Variants in KIAA1210 observed in about 807,000 individuals in gnomAD.
The protein encoded by KIAA1210 is acrosomal protein KIAA1210.
In KIAA1210, 48 loss-of-function variants were observed where a neutral mutation model predicts 78.9. That is an observed-to-expected ratio of 0.61 (90% CI 0.48 to 0.77). KIAA1210 has a LOEUF of 0.77. Ranked by LOEUF, KIAA1210 falls within the 30% of genes least tolerant of loss-of-function variation. The pLI is 0.00. For missense variants in KIAA1210, 1,108 were observed against 1,100.0 expected (o/e 1.01, Z -0.10); for synonymous variants, 406 against 404.5 (o/e 1.00, Z -0.04).
chrX:119,147,414 T>C, intron 2 of KIAA1210: 1 of 1,191,071 alleles, frequency 8.4e-7, no homozygotes, highest in Non-Finnish European at 1.1e-6. Context: ...ACACATAATT[T>C]ACAATAGTAA....
upstream of KIAA1210, among the ~76,000 whole-genome samples, chrX:119,130,280 G>T (rs1333518522): frequency 8.9e-6 from 1 of 112,220 alleles, no homozygotes; most frequent in Non-Finnish European, 1.9e-5. Context: ...TGACCTCCCA[G>T]AATCACCATG....
In KIAA1210 at chrX:119,132,851, G is replaced by A. The variant is rs189639768; in HGVS notation, c.411-9199C>T. ...GGGTCTTGCTATGTTGCCCAGGCTGGTCTCAAACTACTGGGCTCAAGCAAC... is the reference window on the plus strand; with the variant it reads ...GGGTCTTGCTATGTTGCCCAGGCTGATCTCAAACTACTGGGCTCAAGCAAC... On this transcript the variant is annotated intron_variant, in intron 2 of 13. Transcript: ENST00000402510. 1.9e-3 allele frequency among the ~76,000 whole-genome samples: 214 copies of A among 111,497 alleles called. 3 individuals are homozygous for A. The highest frequency in any genetic ancestry group is 6.9e-3 in the African/African-American group (211 of 30,658).
rs371137944 is a variant in KIAA1210, at chrX:119,086,693, C to T, written c.4009G>A (p.Gly1337Ser). The T allele has an allele frequency of 8.4e-5, 102 of 1,209,732 alleles. No homozygotes were observed. The African/African-American group carries it at 1.5e-3, about 18-fold the overall frequency. The change falls in exon 9 of 12, where the codon GGC becomes AGC. Residue 1337 changes from glycine to serine, a missense_variant. Transcript: ENST00000691062. ...GTGCTTCTGATTTTATGTCCCCTGC[C>T]TACAGAGGATGAAATTGGGCCCGAG... The part of the protein sequence containing the change: ...VPSGPISSSV[G>S]RGHKIRSTSQ...
upstream of KIAA1210, among the ~76,000 whole-genome samples, chrX:119,129,399 A>T (rs1375541264): frequency 9.0e-6 from 1 of 111,507 alleles, no homozygotes. Context: ...AAAATAATGT[A>T]AAATATATCA....
chrX:119,085,366 G>C lies in KIAA1210; in HGVS notation c.4320+17C>G. The C allele has an allele frequency of 8.4e-7, 1 of 1,193,179 alleles. No individual in the cohort carries two copies. Among genetic ancestry groups the C allele is most frequent in the Non-Finnish European group, 1.1e-6 (1 of 887,022 alleles). ...GCAACCTTTTTGGAGTGTTTTATTG[G>C]CTACCCCAGGTCCTACCTCATATTT... On this transcript the variant is annotated intron_variant, in intron 10 of 11. Transcript: ENST00000691062.
chrX:119,125,295 A>G (rs1206226894), intron 1 of KIAA1210, among the ~76,000 whole-genome samples: 1 of 111,195 alleles, frequency 9.0e-6, no homozygotes, highest in African/African-American at 3.3e-5. Context: ...ATTTGGCAAT[A>G]CCTATCAAAA....
rs187347475 is a variant in KIAA1210 at position 119,103,870 on chromosome X, C to A, written c.648+1122G>T. On this transcript the variant is annotated intron_variant, in intron 6 of 11. Coordinates refer to ENST00000691062, the MANE Select transcript of KIAA1210 (RefSeq NM_001394962.1). ...ACAAAAGCCACATATTGTATGATTCCATTTACGTGAAATATCCAGAGTAGG... is the reference window on the plus strand; with the variant it reads ...ACAAAAGCCACATATTGTATGATTCAATTTACGTGAAATATCCAGAGTAGG... Among the ~76,000 whole-genome samples, 335 of 111,997 alleles carry A rather than the reference C, an allele frequency of 3.0e-3. 1 individual carries two copies. Among genetic ancestry groups the A allele is most frequent in the African/African-American group, 0.01 (316 of 30,862 alleles).
intron 6 of KIAA1210, among the ~76,000 whole-genome samples, chrX:119,104,251 C>G (rs1927821322): frequency 1.8e-5 from 2 of 112,088 alleles, no homozygotes; most frequent in Admixed American, 1.9e-4. Context: ...AATAAGCATC[C>G]ATCCACCTAC....
intron 1 of KIAA1210, among the ~76,000 whole-genome samples, chrX:119,125,169 A>G (rs1265223625): frequency 8.9e-6 from 1 of 111,788 alleles, no homozygotes; most frequent in Admixed American, 9.5e-5. Context: ...AAGTATTGTC[A>G]TCTATCAGAT....
At chrX:119,150,623 C>G (rs199581147), upstream of KIAA1210, 40 of 1,153,147 alleles carry the variant, frequency 3.5e-5, no homozygotes, top group Non-Finnish European at 3.1e-5. Flanking sequence ...CCCGACCTGC[C>G]GAGTCCCAGA....
At chrX:119,122,652 CATTT>C (rs2147190371) in intron 2 of KIAA1210, among the ~76,000 whole-genome samples, 1 of 112,446 alleles carries the variant, frequency 8.9e-6, no homozygotes, top group African/African-American at 3.2e-5. Flanking sequence ...GCCTTTCACT[CATTT>C]ATTCATTCAT....
chrX:119,091,467 G>A (rs969191968), intron 8 of KIAA1210, among the ~76,000 whole-genome samples: 2 of 112,268 alleles, frequency 1.8e-5, no homozygotes, highest in African/African-American at 3.2e-5. Context: ...CAAGGATATG[G>A]AATCAACCTA....
chrX:119,114,936 CA>C (rs1175599897), intron 3 of KIAA1210, among the ~76,000 whole-genome samples: 131 of 112,409 alleles, frequency 1.2e-3, no homozygotes, highest in African/African-American at 4.0e-3. Context: ...ATTATTACAA[CA>C]GCACTCATTA....
rs1471561981 is a variant in KIAA1210 at position 119,088,405 on chromosome X, A to G, written c.2297T>C (p.Val766Ala). ...VGTSIKQSDSVEPIPPRHPFQ... is the reference protein window; with the variant it reads ...VGTSIKQSDSAEPIPPRHPFQ... ...AGGGTGTCTTGGAGGGATTGGCTCC[A>G]CGGAATCGCTCTGTTTTATAGAAGT... Residue 766 changes from valine to alanine, a missense_variant, in exon 9 of 12, where the codon GTG becomes GCG. Val to Ala is a moderately conservative substitution (Grantham distance 64, BLOSUM62 0). This residue lies in a region of KIAA1210 where 672 missense variants were observed against 607.1 expected (regional missense o/e 1.11). Coordinates refer to ENST00000691062, the MANE Select transcript of KIAA1210 (RefSeq NM_001394962.1). The G allele has an allele frequency of 4.1e-6, 5 of 1,211,257 alleles. No homozygotes were observed. Among genetic ancestry groups the G allele is most frequent in the Non-Finnish European group, 5.6e-6 (5 of 895,304 alleles).
chrX:119,113,408 G>T (rs1928145786), intron 3 of KIAA1210, among the ~76,000 whole-genome samples: 1 of 111,691 alleles, frequency 9.0e-6, no homozygotes, highest in African/African-American at 3.3e-5. Flanking sequence ...TTAAATAAAT[G>T]ACCCTTGAAA....
chrX:119,092,610 A>T (rs1391869101), intron 8 of KIAA1210, among the ~76,000 whole-genome samples: 1 of 109,696 alleles, frequency 9.1e-6, no homozygotes, highest in African/African-American at 3.3e-5. Context: ...AAATACAAAA[A>T]ATTAGCCAAG....
At chrX:119,125,737 T>A (rs867016408) in intron 1 of KIAA1210, among the ~76,000 whole-genome samples, 114 of 9,969 alleles carry the variant, frequency 0.011, 2 homozygotes, top group African/African-American at 0.029. Context: ...ATATATATAT[T>A]TTTTTTTTTT....
chrX:119,092,731 A>C (rs1033419891), intron 8 of KIAA1210, among the ~76,000 whole-genome samples: 28 of 107,493 alleles, frequency 2.6e-4, no homozygotes, highest in African/African-American at 9.4e-4. Context: ...ACTGCACTCC[A>C]GCCTGGGTGA....
rs773313708 is a variant in KIAA1210, at chrX:119,108,633, G to A, written c.358-162C>T. Among the ~76,000 whole-genome samples the A allele has an allele frequency of 6.3e-5, 7 of 110,835 alleles. No homozygotes were observed. The East Asian group carries it at 2.0e-3, about 31-fold the overall frequency. On this transcript the variant is annotated intron_variant, in intron 4 of 11. Transcript: ENST00000691062. ...TAATCCCAGCACTTTGAGAGGCCAA[G>A]GCGGGAGGGTTGCTTGGGCCCAGGA...
Sources: allele counts gnomAD v4.1 joint callset (sites outside exome capture counted in the v4.1 genomes callset), GRCh38; gene constraint gnomAD v4.1.1; regional missense constraint gnomAD v4.1.1; transcripts MANE v1.5; gene names NCBI Gene and HGNC (gene_info 2026-07-23, HGNC 2026-07-21).